POMZP3: variants seen among roughly 807,000 people sequenced by gnomAD.
POMZP3 encodes POM121 and ZP3 fusion protein.
In POMZP3, 10 loss-of-function variants were observed where a neutral mutation model predicts 19.8. The observed-to-expected ratio is 0.51, with a 90% CI of 0.31 to 0.86. POMZP3 has a LOEUF of 0.86. Among genes scored for constraint, POMZP3 ranks in the 40% least tolerant of loss-of-function variants. The probability of loss-of-function intolerance (pLI) is 0.04; values close to 1 mark genes in which losing one functional copy is unlikely to be tolerated. For synonymous variants in POMZP3, 57 were observed against 85.8 expected (o/e 0.66, Z 1.85); for missense variants, 152 against 228.1 (o/e 0.67, Z 2.15).
chr7:76,625,512 A>C lies in POMZP3; in HGVS notation c.227+10T>G, dbSNP rs1445730621. ...GGGAAACTGGCTTAGTACTCTCCTG[A>C]GCCTGTTACCTTCTTTTATTTTCCT... On this transcript the variant is annotated intron_variant, in intron 3 of 6. Transcript: ENST00000310842. 6 of 1,612,648 alleles carry C rather than the reference A, an allele frequency of 3.7e-6. No individual in the cohort carries two copies. Among genetic ancestry groups the C allele is most frequent in the Non-Finnish European group, 4.2e-6 (5 of 1,178,996 alleles).
chr7:76,625,120 C>T (rs1238442739), intron 3 of POMZP3, among the ~76,000 whole-genome samples: 1 of 87,330 alleles, frequency 1.1e-5, no homozygotes, highest in Non-Finnish European at 2.1e-5. Context: ...GGGACAGAGA[C>T]AGACTCCAAC....
chr7:76,624,437 C>G (rs1316975105), intron 3 of POMZP3, among the ~76,000 whole-genome samples: 4 of 136,468 alleles, frequency 2.9e-5, no homozygotes, highest in Non-Finnish European at 6.2e-5. Flanking sequence ...GGTTATTTTA[C>G]AAACCACATA....
chr7:76,621,672 G>A (rs1297569409), intron 3 of POMZP3, among the ~76,000 whole-genome samples: 5 of 151,706 alleles, frequency 3.3e-5, no homozygotes, highest in Non-Finnish European at 5.9e-5. Flanking sequence ...CGGGCGCGGT[G>A]GCTCACGCCT....
In POMZP3 at chr7:76,625,986, A is replaced by C. The variant is rs1205331983; in HGVS notation, c.65+14T>G. 1 of 1,613,528 alleles carries C rather than the reference A, an allele frequency of 6.2e-7. No homozygotes were observed. Among genetic ancestry groups the C allele is most frequent in the South Asian group, 1.1e-5 (1 of 91,042 alleles). On this transcript the variant is annotated intron_variant, in intron 2 of 6. Transcript: ENST00000310842. ...CACGAAAAGGGAGAGTATTCTTCCA[A>C]CGATAATACTCACATCGCAGAACGC...
At chr7:76,625,851 A>G in intron 2 of POMZP3, 149 bp downstream of exon 2, 1 of 1,360,046 alleles carries the variant, frequency 7.4e-7, no homozygotes, top group Non-Finnish European at 1.0e-6. Flanking sequence ...GTGAAAAACA[A>G]ACGGTTTTAC....
At chr7:76,624,862 G>A (rs1259926841) in intron 3 of POMZP3, among the ~76,000 whole-genome samples, 4 of 151,424 alleles carry the variant, frequency 2.6e-5, no homozygotes, top group East Asian at 3.9e-4. Flanking sequence ...GCCGGGCGCC[G>A]TGGCTCAAGC....
At chr7:76,620,197 G>C (rs1427168082) in intron 3 of POMZP3, among the ~76,000 whole-genome samples, 1 of 86,122 alleles carries the variant, frequency 1.2e-5, no homozygotes, top group African/African-American at 5.3e-5. Context: ...GCATGGTGGC[G>C]GGCGCCTGTA....
intron 2 of POMZP3, 40 bp downstream of exon 2, chr7:76,625,960 A>C: frequency 6.2e-7 from 1 of 1,610,384 alleles, no homozygotes; most frequent in Non-Finnish European, 8.5e-7. Context: ...AATAAAGTGG[A>C]CACGAAAAGG....
rs200648216 is a variant in POMZP3 at position 76,623,212 on chromosome 7, CCT to C, written c.227+2308_227+2309del. 8.0e-3 allele frequency among the ~76,000 whole-genome samples: 1,209 copies of C among 151,858 alleles called. 17 individuals carry two copies. Among genetic ancestry groups the C allele is most frequent in the African/African-American group, 0.028 (1,149 of 41,412 alleles). The stretch of plus-strand genomic sequence containing the variant: ...TTTTTTTTTTTATTTCACTTTTCCC[CCT>C]GTGATACAGCCCCAGGAGATCCCCA... On this transcript the variant is annotated intron_variant, in intron 3 of 6. Transcript: ENST00000310842.
rs1303799463 is a variant in POMZP3, at chr7:76,618,951, C to T, written c.228-651G>A. ...TACAAGCGTGCACCACCATGTCAGG[C>T]CGATTTTTGTATTTTTTGTCAAGAT... On this transcript the variant is annotated intron_variant, in intron 3 of 6. Transcript: ENST00000310842. Among the ~76,000 whole-genome samples, 3 of 152,078 alleles carry T rather than the reference C, an allele frequency of 2.0e-5. No homozygotes were observed. In the East Asian group the frequency reaches 5.8e-4, roughly 29 times the overall value.
intron 3 of POMZP3, among the ~76,000 whole-genome samples, chr7:76,619,070 G>C (rs189886010): frequency 1.3e-5 from 2 of 152,134 alleles, no homozygotes; most frequent in African/African-American, 4.8e-5. Flanking sequence ...TTACAGGCAT[G>C]AGCCACCACG....
intron 3 of POMZP3, chr7:76,621,416 G>A (rs1364209792): frequency 8.8e-5 from 13 of 147,330 alleles, no homozygotes; most frequent in Non-Finnish European, 1.3e-4. Context: ...ACCTTCAGAG[G>A]CACTAAGAAA....
At chr7:76,624,855 G>T (rs933052030) in intron 3 of POMZP3, among the ~76,000 whole-genome samples, 10 of 151,380 alleles carry the variant, frequency 6.6e-5, no homozygotes, top group Non-Finnish European at 1.2e-4. Flanking sequence ...CTGGTGGGCC[G>T]GGCGCCGTGG....
rs1173669915 is a variant in POMZP3, at chr7:76,626,876, G to A, written c.-320C>T. On this transcript the variant is annotated 5_prime_UTR_variant, in exon 1 of 7. An upstream open reading frame in the 5' UTR gains an earlier in-frame stop. Coordinates refer to ENST00000310842, the MANE Select transcript of POMZP3 (RefSeq NM_012230.5). ...TGGCCCTCCGGAGCGGGGGCGGGCT[G>A]CGGCGGCCCGGGCTTGCCCAGGTAA... 1.1e-5 allele frequency: 16 copies of A among 1,393,018 alleles called. No homozygotes were observed. Among genetic ancestry groups the A allele is most frequent in the Non-Finnish European group, 1.5e-5 (16 of 1,082,392 alleles). The allele number at this position is 1,393,018 out of a possible 1,614,324, so 86.3% of individuals were successfully genotyped here.
Position 76,627,014 on chromosome 7 carries a change from G to A in POMZP3, c.-458C>T, listed in dbSNP as rs1815944754. 26 of 1,337,306 alleles carry A rather than the reference G, an allele frequency of 1.9e-5. No individual in the cohort carries two copies. Among genetic ancestry groups the A allele is most frequent in the Non-Finnish European group, 2.6e-5 (26 of 1,018,328 alleles). 82.8% of individuals were successfully genotyped at this position (1,337,306 alleles called of 1,614,324 possible). A position where few individuals can be genotyped will look rare whatever the true frequency, so the allele number is the denominator to read the frequency against. On this transcript the variant is annotated 5_prime_UTR_variant, in exon 1 of 7. Transcript: ENST00000310842. The stretch of plus-strand genomic sequence containing the variant: ...GGAGGCGAAGCGAACAGTGTTCGCC[G>A]ATGTCGCGCCTTCTGAACGAAGGAG...
intron 3 of POMZP3, among the ~76,000 whole-genome samples, chr7:76,623,181 T>C (rs1815668891): frequency 1.6e-5 from 2 of 124,034 alleles, no homozygotes; most frequent in South Asian, 2.8e-4. Flanking sequence ...CCAAATTGAT[T>C]GTGGTTTTTT....
intron 3 of POMZP3, chr7:76,618,585 C>G (rs1474752290): frequency 1.7e-5 from 7 of 411,984 alleles, no homozygotes; most frequent in Non-Finnish European, 3.2e-5. Context: ...TGCACCATTG[C>G]ACTAGCCTGG....
At position 76,626,346 on chromosome 7, in the gene POMZP3, T is replaced by C. The variant is rs745930044; in HGVS notation, c.-151-131A>G. On this transcript the variant is annotated intron_variant, in intron 1 of 6. Coordinates refer to ENST00000310842, the MANE Select transcript of POMZP3 (RefSeq NM_012230.5). ...CTCTTTCTACGCAACACAGAACACG[T>C]TGTTTTTATGGCAACTTTCCCCTAT... is the stretch of plus-strand genomic sequence containing the variant. The C allele has an allele frequency of 6.1e-5, 57 of 931,304 alleles. 1 individual carries two copies. The highest frequency in any genetic ancestry group is 7.6e-5 in the Non-Finnish European group (48 of 633,456). The allele number at this position is 931,304 out of a possible 1,614,324, so 57.7% of individuals were successfully genotyped here.
intron 3 of POMZP3, among the ~76,000 whole-genome samples, chr7:76,622,864 C>T (rs1223024486): frequency 2.0e-5 from 3 of 151,696 alleles, no homozygotes; most frequent in African/African-American, 4.8e-5. Context: ...CTTTTTTAAT[C>T]TAAATTCCTT....
Sources: gnomAD v4.1 joint callset for allele counts (sites outside exome capture counted in the v4.1 genomes callset) on GRCh38, gnomAD v4.1.1 for gene constraint, MANE v1.5 for transcripts, NCBI Gene and HGNC (gene_info 2026-07-23, HGNC 2026-07-21) for gene names.